BMP6: variants seen among roughly 807,000 people sequenced by gnomAD.
BMP6 encodes the protein bone morphogenetic protein 6.
In BMP6, 17 loss-of-function variants were observed where a neutral mutation model predicts 54.1. The ratio of observed to expected loss-of-function variants is 0.31; its 90% CI spans 0.22 to 0.47. BMP6 has a LOEUF of 0.47. Among genes scored for constraint, BMP6 ranks in the 20% least tolerant of loss-of-function variants. The pLI is 1.00. For synonymous variants in BMP6, 328 were observed against 291.2 expected, an observed-to-expected ratio of 1.13 and a Z score of -1.28; for missense variants, 720 against 690.4, an observed-to-expected ratio of 1.04 and a Z score of -0.48.
chr6:7,726,885 G>A lies in BMP6; in HGVS notation c.-71G>A. 1 of 985,388 alleles carries A rather than the reference G, an allele frequency of 1.0e-6. No homozygotes were observed. Among genetic ancestry groups the A allele is most frequent in the Non-Finnish European group, 1.2e-6 (1 of 820,734 alleles). 61.0% of individuals were successfully genotyped at this position (985,388 alleles called of 1,614,324 possible). A position where few individuals can be genotyped will look rare whatever the true frequency, so the allele number is the denominator to read the frequency against. On this transcript the variant is annotated 5_prime_UTR_variant, in exon 1 of 7. Coordinates refer to ENST00000283147, the MANE Select transcript of BMP6 (RefSeq NM_001718.6). ...GACTGCTCACGCCAAGGGCCACAGC[G>A]GCCGCGCTCCGGCCTCGCTCCGCCG...
intron 1 of BMP6, among the ~76,000 whole-genome samples, chr6:7,790,975 G>A (rs1758095815): frequency 6.6e-6 from 1 of 152,072 alleles, no homozygotes; most frequent in Admixed American, 6.5e-5. Context: ...ATACACGCTT[G>A]AGTCTGTCTG....
chr6:7,838,758 CG>C (rs1758916900), intron 1 of BMP6, among the ~76,000 whole-genome samples: 1 of 151,954 alleles, frequency 6.6e-6, no homozygotes, highest in East Asian at 1.9e-4. Flanking sequence ...CTGGCTAATA[CG>C]GTGAAACCTC....
At chr6:7,855,281 C>T (rs947002300) in intron 2 of BMP6, among the ~76,000 whole-genome samples, 6 of 152,124 alleles carry the variant, frequency 3.9e-5, no homozygotes, top group African/African-American at 1.4e-4. Context: ...GTTCTTAGAC[C>T]AGCAGCATCA....
chr6:7,848,471 C>A (rs930088639), intron 2 of BMP6, among the ~76,000 whole-genome samples: 19 of 152,180 alleles, frequency 1.2e-4, no homozygotes, highest in African/African-American at 4.6e-4. Context: ...CAGTTTTAGA[C>A]ACCCCTGTGA....
intron 1 of BMP6, among the ~76,000 whole-genome samples, chr6:7,731,812 TTG>T (rs1314350201): frequency 1.3e-5 from 2 of 152,264 alleles, no homozygotes; most frequent in African/African-American, 4.8e-5. Context: ...GTATATTAAT[TTG>T]TAATATGCAT....
chr6:7,863,123 C>T (rs747110254), intron 4 of BMP6, among the ~76,000 whole-genome samples: 5 of 152,098 alleles, frequency 3.3e-5, no homozygotes, highest in Admixed American at 2.6e-4. Flanking sequence ...CTCAGCCTCC[C>T]GAGTAGCTGG....
chr6:7,812,184 A>T lies in BMP6; in HGVS notation c.665-32956A>T, dbSNP rs574525636. ...AAATGGAAGGACTTTAGGGAGAGGG[A>T]GTAATCAGTGAATCCATCTGCGTGT... On this transcript the variant is annotated intron_variant, in intron 1 of 6. Coordinates refer to ENST00000283147, the MANE Select transcript of BMP6 (RefSeq NM_001718.6). Among the ~76,000 whole-genome samples the T allele has an allele frequency of 3.3e-5, 5 of 152,346 alleles. No homozygotes were observed. In the East Asian group the frequency reaches 7.7e-4, roughly 23 times the overall value.
chr6:7,741,833 C>T (rs1019626620), intron 1 of BMP6, among the ~76,000 whole-genome samples: 2 of 152,220 alleles, frequency 1.3e-5, no homozygotes, highest in African/African-American at 4.8e-5. Flanking sequence ...GCTCTGCTAC[C>T]CCTCAGCTGT....
chr6:7,806,378 A>G (rs1450189079), intron 1 of BMP6, among the ~76,000 whole-genome samples: 1 of 152,244 alleles, frequency 6.6e-6, no homozygotes, highest in Non-Finnish European at 1.5e-5. Context: ...CTGATTGCCC[A>G]TGTGAGGACA....
At chr6:7,843,157 C>A (rs1367841817) in intron 1 of BMP6, among the ~76,000 whole-genome samples, 1 of 152,118 alleles carries the variant, frequency 6.6e-6, no homozygotes, top group Non-Finnish European at 1.5e-5. Context: ...AATTAGAAAA[C>A]CTGCTCTCTT....
chr6:7,791,349 G>T (rs115421597), intron 1 of BMP6, among the ~76,000 whole-genome samples: 3 of 152,156 alleles, frequency 2.0e-5, no homozygotes, highest in African/African-American at 7.2e-5. Flanking sequence ...CGGTGAGATG[G>T]ATCAGTGACT....
chr6:7,799,608 C>T (rs1186925468), intron 1 of BMP6, among the ~76,000 whole-genome samples: 1 of 152,060 alleles, frequency 6.6e-6, no homozygotes, highest in African/African-American at 2.4e-5. Flanking sequence ...GAAATACCTA[C>T]AGCAACTGGT....
chr6:7,803,188 C>T (rs1286683006), intron 1 of BMP6, among the ~76,000 whole-genome samples: 1 of 152,144 alleles, frequency 6.6e-6, no homozygotes, highest in Non-Finnish European at 1.5e-5. Context: ...CGTACATCCA[C>T]CTCAAGGTAG....
rs185515072 is a variant in BMP6 at position 7,756,326 on chromosome 6, A to T, written c.664+28707A>T. Among the ~76,000 whole-genome samples, 8 of 152,162 alleles carry T rather than the reference A, an allele frequency of 5.3e-5. No homozygotes were observed. In the East Asian group the frequency reaches 1.5e-3, roughly 29 times the overall value. On this transcript the variant is annotated intron_variant, in intron 1 of 6. Coordinates refer to ENST00000283147, the MANE Select transcript of BMP6 (RefSeq NM_001718.6). The stretch of plus-strand genomic sequence containing the variant: ...TACCATCTAATGCATTTTTCATTTG[A>T]CTAAAAGTTTCATTTACTTATTTTG...
At chr6:7,857,790 A>G (rs1338318565) in intron 2 of BMP6, among the ~76,000 whole-genome samples, 1 of 152,236 alleles carries the variant, frequency 6.6e-6, no homozygotes, top group Non-Finnish European at 1.5e-5. Context: ...ATTTGTCATC[A>G]ACAGCATCTC....
rs553842088 is a variant in BMP6, at chr6:7,734,579, T to C, written c.664+6960T>C. On this transcript the variant is annotated intron_variant, in intron 1 of 6. Coordinates refer to ENST00000283147, the MANE Select transcript of BMP6 (RefSeq NM_001718.6). ...TGGATAGCATCTTCTCCAAGAACTC[T>C]ACTTTTAGAAAAGAAAATGCTATGT... Among the ~76,000 whole-genome samples the C allele has an allele frequency of 2.4e-4, 37 of 152,334 alleles. No individual in the cohort carries two copies. The South Asian group carries it at 7.7e-3, about 32-fold the overall frequency.
At chr6:7,746,234 A>C (rs1328127567) in intron 1 of BMP6, among the ~76,000 whole-genome samples, 1 of 152,198 alleles carries the variant, frequency 6.6e-6, no homozygotes, top group Non-Finnish European at 1.5e-5. Flanking sequence ...AAGAGATTGC[A>C]AAGGTAGGCT....
chr6:7,789,896 A>G (rs189570131), intron 1 of BMP6, among the ~76,000 whole-genome samples: 4 of 152,266 alleles, frequency 2.6e-5, no homozygotes, highest in Admixed American at 2.6e-4. Flanking sequence ...ATTGCTGATT[A>G]TGGTAGACTG....
intron 1 of BMP6, among the ~76,000 whole-genome samples, chr6:7,769,821 A>G (rs990997057): frequency 2.0e-5 from 3 of 152,212 alleles, no homozygotes; most frequent in African/African-American, 7.2e-5. Context: ...TTTCTTTCCA[A>G]TATTCCTAAC....
Sources: allele counts gnomAD v4.1 joint callset (sites outside exome capture counted in the v4.1 genomes callset), GRCh38; gene constraint gnomAD v4.1.1; transcripts MANE v1.5; gene names NCBI Gene and HGNC (gene_info 2026-07-23, HGNC 2026-07-21).